The following FAM13A variants were observed in gnomAD, a reference collection of about 807,000 sequenced individuals.
FAM13A encodes the protein family with sequence similarity 13 member A, also known as protein FAM13A.
FAM13A carries 76 observed loss-of-function variants against 129.6 expected under a neutral mutation model. The observed-to-expected ratio is 0.59, with a 90% CI of 0.49 to 0.71. FAM13A has a LOEUF of 0.71. Ranked by LOEUF, FAM13A falls within the 30% of genes least tolerant of loss-of-function variation. The probability of loss-of-function intolerance (pLI) is 0.00; values close to 1 mark genes in which losing one functional copy is unlikely to be tolerated. For missense variants in FAM13A, 1,108 were observed against 1,249.3 expected (o/e 0.89, Z 1.70); for synonymous variants, 443 against 449.9 (o/e 0.98, Z 0.20).
chr4:88,754,311 C>T (rs1743203295), intron 14 of FAM13A, among the ~76,000 whole-genome samples: 1 of 152,178 alleles, frequency 6.6e-6, no homozygotes, highest in African/African-American at 2.4e-5. Flanking sequence ...CCAGTTCAGA[C>T]ACTATAGTAC....
rs750237201 is a variant in FAM13A at position 88,728,486 on chromosome 4, G to A, written c.*47C>T. On this transcript the variant is annotated 3_prime_UTR_variant, in exon 24 of 24. Coordinates refer to ENST00000264344, the MANE Select transcript of FAM13A (RefSeq NM_014883.4). Reference sequence around the variant, plus strand: ...CAGAGCTGCACTTTCTCTGGGGACAGTAAACTCTCACCGCAGCTGCCAGCC... The same window carrying A: ...CAGAGCTGCACTTTCTCTGGGGACAATAAACTCTCACCGCAGCTGCCAGCC... The A allele has an allele frequency of 1.2e-6, 2 of 1,611,750 alleles. No individual in the cohort carries two copies. The highest frequency in any genetic ancestry group is 1.3e-5 in the African/African-American group (1 of 74,874).
intron 6 of FAM13A, among the ~76,000 whole-genome samples, chr4:88,876,233 A>T (rs899707386): frequency 6.6e-6 from 1 of 152,198 alleles, no homozygotes; most frequent in Non-Finnish European, 1.5e-5. Flanking sequence ...TGGCACATGT[A>T]TACATATGTA....
intron 2 of FAM13A, among the ~76,000 whole-genome samples, chr4:89,021,933 C>A (rs755665756): frequency 6.6e-6 from 1 of 151,800 alleles, no homozygotes; most frequent in South Asian, 2.1e-4. Context: ...AGCTGGTTTA[C>A]GGCAGAAGAT....
At chr4:88,758,533 G>A (rs1384226731) in intron 14 of FAM13A, among the ~76,000 whole-genome samples, 1 of 151,982 alleles carries the variant, frequency 6.6e-6, no homozygotes, top group African/African-American at 2.4e-5. Flanking sequence ...CTATGATAAA[G>A]GGCAAGCATG....
chr4:89,008,538 A>G (rs1430041430), intron 3 of FAM13A, among the ~76,000 whole-genome samples: 3 of 152,200 alleles, frequency 2.0e-5, no homozygotes, highest in African/African-American at 7.2e-5. Context: ...CCCAGTCTGT[A>G]TTATTCTGTT....
Position 88,749,799 on chromosome 4 carries a change from T to C in FAM13A, c.2051A>G (p.Asp684Gly). ...SLKKKIRKFE[D>G]RFEEEKKYRP... ...GTACTTCTTCTCTTCTTCGAATCTATCTTCAAACTTCCGGATCTTCTTTTT... is the reference window on the plus strand; with the variant it reads ...GTACTTCTTCTCTTCTTCGAATCTACCTTCAAACTTCCGGATCTTCTTTTT... Residue 684 changes from aspartate to glycine, a missense_variant, in exon 16 of 24, where the codon GAT (aspartate) becomes GGT (glycine). Coordinates refer to ENST00000264344, the MANE Select transcript of FAM13A (RefSeq NM_014883.4). 1 of 1,614,172 alleles carries C rather than the reference T, an allele frequency of 6.2e-7. No homozygotes were observed. Among genetic ancestry groups the C allele is most frequent in the South Asian group, 1.1e-5 (1 of 91,090 alleles).
chr4:88,799,603 G>A (rs1459561566), intron 8 of FAM13A, among the ~76,000 whole-genome samples: 2 of 152,030 alleles, frequency 1.3e-5, no homozygotes, highest in Non-Finnish European at 2.9e-5. Flanking sequence ...CCCTGTCTCA[G>A]CCTCCTGAGT....
At position 88,787,107 on chromosome 4, in the gene FAM13A, A is replaced by G. The variant is rs549116726; in HGVS notation, c.1271+646T>C. Among the ~76,000 whole-genome samples, 26 of 152,262 alleles carry G rather than the reference A, an allele frequency of 1.7e-4. No homozygotes were observed. In the South Asian group the frequency reaches 5.4e-3, roughly 32 times the overall value. ...CAATTTAAGTCATGATTATTAAATA[A>G]TATAAATGGTAATTGTTCATCTGTA... On this transcript the variant is annotated intron_variant, in intron 10 of 23. Transcript: ENST00000264344.
intron 17 of FAM13A, 101 bp downstream of exon 17, chr4:88,748,851 G>A (rs969029490): frequency 1.2e-6 from 1 of 845,542 alleles, no homozygotes; most frequent in African/African-American, 1.7e-5. Context: ...CATCTTTAAG[G>A]ACCGGGGAAT....
chr4:88,892,042 T>A (rs1745400848), intron 6 of FAM13A, among the ~76,000 whole-genome samples: 1 of 152,110 alleles, frequency 6.6e-6, no homozygotes, highest in East Asian at 1.9e-4. Context: ...CTGGGCATGG[T>A]GGCCACTTGT....
chr4:88,731,207 G>C, intron 23 of FAM13A, 120 bp downstream of exon 23: 1 of 610,138 alleles, frequency 1.6e-6, no homozygotes. Flanking sequence ...CCAGGTTACA[G>C]GGAGGATGCA....
At chr4:88,787,653 A>C in intron 10 of FAM13A, 100 bp downstream of exon 10, 1 of 1,040,620 alleles carries the variant, frequency 9.6e-7, no homozygotes, top group Non-Finnish European at 1.4e-6. Context: ...GAAATGGGAG[A>C]GGACCAGGAG....
chr4:89,026,905 G>C (rs1013451751), intron 2 of FAM13A, among the ~76,000 whole-genome samples: 4 of 152,142 alleles, frequency 2.6e-5, no homozygotes, highest in African/African-American at 7.2e-5. Flanking sequence ...ATCTGCCATA[G>C]AGTCCCTGTC....
At chr4:88,768,954 T>C (rs911018311) in intron 11 of FAM13A, among the ~76,000 whole-genome samples, 16 of 152,194 alleles carry the variant, frequency 1.1e-4, no homozygotes, top group African/African-American at 3.9e-4. Flanking sequence ...CAAATGAGAA[T>C]ATCTGAATTC....
intron 6 of FAM13A, among the ~76,000 whole-genome samples, chr4:88,861,345 C>T (rs1331377574): frequency 1.4e-5 from 2 of 144,900 alleles, no homozygotes; most frequent in African/African-American, 5.2e-5. Flanking sequence ...CATGCCACTG[C>T]ACTCCAGCCT....
At chr4:89,018,452 C>T (rs1484569490) in intron 3 of FAM13A, among the ~76,000 whole-genome samples, 1 of 152,168 alleles carries the variant, frequency 6.6e-6, no homozygotes, top group African/African-American at 2.4e-5. Context: ...AACATCCAGT[C>T]TGTGGTATTT....
rs543530917 is a variant in FAM13A, at chr4:88,915,405, C to T, written c.760-8943G>A. Among the ~76,000 whole-genome samples the T allele has an allele frequency of 4.6e-5, 7 of 151,788 alleles. No individual in the cohort carries two copies. The East Asian group carries it at 1.2e-3, about 25-fold the overall frequency. Reference sequence around the variant, plus strand: ...AAACTCTGTAATTTTCTGGCTTGGCCCAGGGAAGTAGAAATGGGAAGATGA... The same window carrying T: ...AAACTCTGTAATTTTCTGGCTTGGCTCAGGGAAGTAGAAATGGGAAGATGA... On this transcript the variant is annotated intron_variant, in intron 5 of 23. Coordinates refer to ENST00000264344, the MANE Select transcript of FAM13A (RefSeq NM_014883.4).
chr4:88,912,123 C>A (rs1749171924), intron 5 of FAM13A, among the ~76,000 whole-genome samples: 1 of 152,176 alleles, frequency 6.6e-6, no homozygotes, highest in Admixed American at 6.5e-5. Flanking sequence ...GTCAACTTGA[C>A]TAAATGAAGA....
intron 4 of FAM13A, among the ~76,000 whole-genome samples, chr4:88,971,595 C>G (rs1224715819): frequency 6.6e-6 from 1 of 152,158 alleles, no homozygotes; most frequent in Non-Finnish European, 1.5e-5. Flanking sequence ...CAGCCTTGAA[C>G]TCCTTGGCTC....
Sources: allele counts gnomAD v4.1 joint callset (sites outside exome capture counted in the v4.1 genomes callset), GRCh38; gene constraint gnomAD v4.1.1; transcripts MANE v1.5; gene names NCBI Gene and HGNC (gene_info 2026-07-23, HGNC 2026-07-21).